The following NUBPL variants were observed in gnomAD, a reference collection of about 807,000 sequenced individuals.
The protein encoded by NUBPL is iron-sulfur cluster transfer protein NUBPL.
In NUBPL, 31 loss-of-function variants were observed where a neutral mutation model predicts 45.7. The ratio of observed to expected loss-of-function variants is 0.68; its 90% confidence interval spans 0.51 to 0.92. The LOEUF is 0.92. Ranked by LOEUF, NUBPL falls within the 40% of genes least tolerant of loss-of-function variation. The pLI is 0.00. For synonymous variants in NUBPL, 144 were observed against 140.9 expected, an observed-to-expected ratio of 1.02 and a Z score of -0.15; for missense variants, 401 against 398.7, an observed-to-expected ratio of 1.01 and a Z score of -0.05.
chr14:31,637,839 G>A (rs548501699), intron 4 of NUBPL, among the ~76,000 whole-genome samples: 210 of 152,250 alleles, frequency 1.4e-3, no homozygotes, highest in African/African-American at 4.7e-3. Flanking sequence ...TTACCATTAC[G>A]TAATGGCCTT....
chr14:31,724,678 A>C (rs1307121980), intron 6 of NUBPL, among the ~76,000 whole-genome samples: 1 of 152,230 alleles, frequency 6.6e-6, no homozygotes, highest in African/African-American at 2.4e-5. Flanking sequence ...AATTTATTGA[A>C]CACCTATAAT....
chr14:31,665,887 G>A (rs1358689458), intron 4 of NUBPL, among the ~76,000 whole-genome samples: 1 of 152,078 alleles, frequency 6.6e-6, no homozygotes, highest in Non-Finnish European at 1.5e-5. Context: ...AGGTCTCTAA[G>A]AACTAGCTTT....
chr14:31,762,715 A>G (rs2038838530), intron 6 of NUBPL, among the ~76,000 whole-genome samples: 2 of 152,092 alleles, frequency 1.3e-5, no homozygotes, highest in African/African-American at 4.8e-5. Flanking sequence ...GCACATTGGG[A>G]CTTCTGTGGC....
At position 31,728,742 on chromosome 14, in the gene NUBPL, T is replaced by G. The variant is rs188777025; in HGVS notation, c.513+55168T>G. 6.2e-4 allele frequency among the ~76,000 whole-genome samples: 94 copies of G among 152,362 alleles called. 2 individuals are homozygous for G. The highest frequency in any genetic ancestry group is 4.6e-3 in the Admixed American group (70 of 15,296). Reference sequence around the variant, plus strand: ...AAGTGACTAACTTGGTTGATTGCTATCCCTTCCAGCTTTTTGTGAGATGTC... The same window carrying G: ...AAGTGACTAACTTGGTTGATTGCTAGCCCTTCCAGCTTTTTGTGAGATGTC... On this transcript the variant is annotated intron_variant, in intron 6 of 10. Transcript: ENST00000281081.
intron 4 of NUBPL, among the ~76,000 whole-genome samples, chr14:31,660,421 G>A (rs1262277368): frequency 1.2e-4 from 19 of 152,138 alleles, no homozygotes. Context: ...CTTGGTTTCA[G>A]AAAGGAAGGA....
chr14:31,574,449 G>T (rs757444471), intron 3 of NUBPL, among the ~76,000 whole-genome samples: 11 of 151,774 alleles, frequency 7.2e-5, no homozygotes, highest in Non-Finnish European at 1.5e-4. Context: ...TAGTTTTTTA[G>T]AGACAAGCTT....
chr14:31,615,837 C>G (rs1038344914), intron 4 of NUBPL, among the ~76,000 whole-genome samples: 5 of 152,066 alleles, frequency 3.3e-5, no homozygotes, highest in African/African-American at 1.2e-4. Flanking sequence ...GGGTCAAATG[C>G]TATTTCTGGT....
At chr14:31,640,971 G>A (rs2035677779) in intron 4 of NUBPL, among the ~76,000 whole-genome samples, 1 of 151,216 alleles carries the variant, frequency 6.6e-6, no homozygotes, top group Admixed American at 6.6e-5. Flanking sequence ...TTTTGTTTTT[G>A]AGACAGAGTC....
intron 3 of NUBPL, among the ~76,000 whole-genome samples, chr14:31,572,390 C>T (rs771214215): frequency 5.3e-5 from 8 of 152,122 alleles, no homozygotes; most frequent in Admixed American, 2.6e-4. Context: ...CCGCCTGCTT[C>T]GGCCTCCCAA....
At chr14:31,587,607 T>C (rs950986507) in intron 3 of NUBPL, among the ~76,000 whole-genome samples, 60 of 152,240 alleles carry the variant, frequency 3.9e-4, no homozygotes, top group African/African-American at 1.4e-3. Flanking sequence ...CTATCTGTTA[T>C]TTTCTAGGCT....
intron 4 of NUBPL, 139 bp from the exon 5 acceptor site, chr14:31,673,216 A>G (rs972368853): frequency 1.3e-5 from 9 of 672,834 alleles, no homozygotes; most frequent in Non-Finnish European, 2.4e-5. Flanking sequence ...ATGTATCATA[A>G]CATTACGTTG....
At chr14:31,621,784 G>C (rs2035070109) in intron 4 of NUBPL, among the ~76,000 whole-genome samples, 1 of 152,198 alleles carries the variant, frequency 6.6e-6, no homozygotes, top group Non-Finnish European at 1.5e-5. Context: ...AAAGTACCCA[G>C]TCTTAGGTAG....
chr14:31,752,575 A>G (rs1260798157), intron 6 of NUBPL, among the ~76,000 whole-genome samples: 1 of 152,220 alleles, frequency 6.6e-6, no homozygotes, highest in East Asian at 1.9e-4. Context: ...TATTACTATC[A>G]GCATTTTGGT....
At chr14:31,695,345 C>CT (rs34395195) in intron 6 of NUBPL, among the ~76,000 whole-genome samples, 107,266 of 140,252 alleles carry the variant, frequency 0.76, 44,452 homozygotes, top group East Asian at 0.98. Flanking sequence ...TGTAGTGTTC[C>CT]TTTTTTTTTT....
intron 6 of NUBPL, among the ~76,000 whole-genome samples, chr14:31,701,527 G>C (rs1430415694): frequency 6.6e-6 from 1 of 152,224 alleles, no homozygotes; most frequent in Non-Finnish European, 1.5e-5. Context: ...AATAAATCTT[G>C]CTGCTGTTCA....
At chr14:31,682,663 A>G (rs1009839538) in intron 6 of NUBPL, among the ~76,000 whole-genome samples, 8 of 152,120 alleles carry the variant, frequency 5.3e-5, no homozygotes, top group African/African-American at 1.9e-4. Context: ...TTAGCTATCT[A>G]TCCCTCTTGG....
intron 6 of NUBPL, among the ~76,000 whole-genome samples, chr14:31,747,880 G>T (rs1395537379): frequency 1.3e-5 from 2 of 151,628 alleles, no homozygotes; most frequent in Non-Finnish European, 2.9e-5. Flanking sequence ...GTTCCTTGAG[G>T]TACATCAATA....
At chr14:31,846,350 T>C (rs998006207) in intron 8 of NUBPL, 121 bp from the exon 9 acceptor site, 1 of 786,572 alleles carries the variant, frequency 1.3e-6, no homozygotes, top group South Asian at 1.5e-5. Flanking sequence ...AGTTTATTCA[T>C]CATTGTGATA....
intron 6 of NUBPL, among the ~76,000 whole-genome samples, chr14:31,679,572 T>C (rs528377654): frequency 6.6e-6 from 1 of 152,212 alleles, no homozygotes; most frequent in Non-Finnish European, 1.5e-5. Context: ...ATTAACCGTA[T>C]GTGTATCATC....
Sources: gnomAD v4.1 joint callset for allele counts (sites outside exome capture counted in the v4.1 genomes callset) on GRCh38, gnomAD v4.1.1 for gene constraint, MANE v1.5 for transcripts, NCBI Gene and HGNC (gene_info 2026-07-23, HGNC 2026-07-21) for gene names.